ANKRA2: variants seen among roughly 807,000 people sequenced by gnomAD.
The protein encoded by ANKRA2 is ankyrin repeat family A member 2.
In ANKRA2, 33 loss-of-function variants were observed where a neutral mutation model predicts 37.8. That is an observed-to-expected ratio of 0.87 (90% CI 0.66 to 1.17). ANKRA2 has a LOEUF of 1.17. Among genes scored for constraint, ANKRA2 ranks in the 50% most tolerant of loss-of-function variants. The pLI, the probability that ANKRA2 is intolerant of heterozygous loss-of-function variation, is 0.00. For missense variants in ANKRA2, 326 were observed against 373.7 expected (o/e 0.87, Z 1.05); for synonymous variants, 126 against 132.3 (o/e 0.95, Z 0.33).
At position 73,552,624 on chromosome 5, in the gene ANKRA2, A is replaced by G. The variant is rs1747283454; in HGVS notation, c.*173T>C. 2 of 555,968 alleles carry G rather than the reference A, an allele frequency of 3.6e-6. No individual in the cohort carries two copies. The highest frequency in any genetic ancestry group is 5.2e-5 in the South Asian group (2 of 38,164). The allele number at this position is 555,968 out of a possible 1,614,324, so 34.4% of individuals were successfully genotyped here. A position where few individuals can be genotyped will look rare whatever the true frequency, so the allele number is the denominator to read the frequency against. ...AAATATACAGTAAAACATAGTTATA[A>G]AAAGAGTATTACATTTATTATAAAC... On this transcript the variant is annotated 3_prime_UTR_variant, in exon 9 of 9. Coordinates refer to ENST00000296785, the MANE Select transcript of ANKRA2 (RefSeq NM_023039.5).
chr5:73,561,282 C>A lies in ANKRA2; in HGVS notation c.296G>T (p.Cys99Phe), dbSNP rs140857278. The part of the protein sequence containing the change: ...EVASVLFKAE[C>F]NIHTSPSPGI... The stretch of plus-strand genomic sequence containing the variant: ...CGGAGAAGGAGATGTATGGATATTG[C>A]ATTCAGCTAAGTGAAAAACAAATGT... Residue 99 changes from cysteine (C) to phenylalanine (F), a missense_variant, in exon 3 of 9, where the codon TGC becomes TTC. Around this residue, in one of 3 missense-constraint regions of ANKRA2, gnomAD observed 228 missense variants for 260.2 expected, o/e 0.88. Transcript: ENST00000296785. 1 of 1,612,248 alleles carries A rather than the reference C, an allele frequency of 6.2e-7. No homozygotes were observed. Among genetic ancestry groups the A allele is most frequent in the African/African-American group, 1.3e-5 (1 of 74,934 alleles).
intron 1 of ANKRA2, among the ~76,000 whole-genome samples, chr5:73,564,420 C>G (rs887841013): frequency 1.3e-5 from 2 of 152,174 alleles, no homozygotes; most frequent in Non-Finnish European, 2.9e-5. Context: ...TTGAAAACTC[C>G]CCTAGGATGG....
At chr5:73,553,559 C>A (rs2112005082) in intron 7 of ANKRA2, 73 bp from the exon 8 acceptor site, 1 of 1,262,516 alleles carries the variant, frequency 7.9e-7, no homozygotes, top group Non-Finnish European at 1.1e-6. Context: ...GGCTCATGTA[C>A]AAATAGCTGG....
chr5:73,556,999 T>C (rs907899130), intron 4 of ANKRA2, among the ~76,000 whole-genome samples: 1 of 148,944 alleles, frequency 6.7e-6, no homozygotes, highest in Admixed American at 6.7e-5. Flanking sequence ...AATACATATA[T>C]ATATATATAC....
rs1171635288 is a variant in ANKRA2, at chr5:73,554,377, T to C, written c.750A>G (p.Thr250=). 1.9e-6 allele frequency: 3 copies of C among 1,612,920 alleles called. No homozygotes were observed. Among genetic ancestry groups the C allele is most frequent in the Admixed American group, 3.3e-5 (2 of 59,888 alleles). The change falls in exon 7 of 9, where the codon ACA becomes ACG. Residue 250 remains threonine, a synonymous_variant. Transcript: ENST00000296785. ...DVNEYDWNGG[T]PLLYAVHGNH... ...TTCCATGTACAGCATAAAGCAGAGG[T>C]GTTCCTCCATTCTGCAAAATGAAAA...
Position 73,562,713 on chromosome 5 carries a change from G to A in ANKRA2, c.169C>T (p.Pro57Ser), listed in dbSNP as rs761406141. 1 of 1,614,116 alleles carries A rather than the reference G, an allele frequency of 6.2e-7. No individual in the cohort carries two copies. Among genetic ancestry groups the A allele is most frequent in the Admixed American group, 1.7e-5 (1 of 60,014 alleles). The change falls in exon 2 of 9, where the codon CCT becomes TCT. Residue 57 changes from proline (P) to serine (S), a missense_variant. Pro to Ser is a moderately conservative substitution (Grantham distance 74). Around this residue, in one of 3 missense-constraint regions of ANKRA2, gnomAD observed 93 missense variants for 91.1 expected, o/e 1.02. Transcript: ENST00000296785. Reference sequence around the variant, plus strand: ...CACACATTCATATCAAATCGGTTAGGCAATATGAATTTCATTCCCATGGCA... The same window carrying A: ...CACACATTCATATCAAATCGGTTAGACAATATGAATTTCATTCCCATGGCA... ...GVAMGMKFIL[P>S]NRFDMNVCSR...
intron 3 of ANKRA2, among the ~76,000 whole-genome samples, chr5:73,560,798 T>A (rs1747530155): frequency 6.6e-6 from 1 of 152,212 alleles, no homozygotes; most frequent in Non-Finnish European, 1.5e-5. Context: ...CTTTTCAGCA[T>A]CTACTCCCCT....
At chr5:73,564,807 G>C (rs1189195464) in intron 1 of ANKRA2, among the ~76,000 whole-genome samples, 2 of 152,132 alleles carry the variant, frequency 1.3e-5, no homozygotes, top group East Asian at 3.9e-4. Flanking sequence ...CGCTTATCTT[G>C]GCACAGCAGT....
intron 3 of ANKRA2, 139 bp from the exon 4 acceptor site, chr5:73,557,779 T>C (rs1032799971): frequency 2.7e-5 from 16 of 582,868 alleles, no homozygotes; most frequent in South Asian, 1.9e-4. Context: ...TAACTTAAAA[T>C]GTATCCTAAA....
chr5:73,555,144 G>A, intron 5 of ANKRA2, 158 bp from the exon 6 acceptor site: 2 of 1,426,770 alleles, frequency 1.4e-6, no homozygotes, highest in Non-Finnish European at 1.8e-6. Flanking sequence ...CTTTTATTGA[G>A]ATTGCCTGGA....
intron 3 of ANKRA2, among the ~76,000 whole-genome samples, chr5:73,557,902 C>G (rs540160191): frequency 1.3e-5 from 2 of 151,880 alleles, no homozygotes; most frequent in South Asian, 4.2e-4. Context: ...CGTGGCAAAA[C>G]CCTGTCTCTA....
chr5:73,561,090 A>G, intron 3 of ANKRA2, 40 bp downstream of exon 3: 1 of 1,538,856 alleles, frequency 6.5e-7, no homozygotes, highest in Non-Finnish European at 8.8e-7. Flanking sequence ...TGAAAGTATT[A>G]CATTAAGAAT....
chr5:73,554,789 C>T, intron 6 of ANKRA2, 72 bp downstream of exon 6: 1 of 1,508,354 alleles, frequency 6.6e-7, no homozygotes, highest in Non-Finnish European at 9.0e-7. Flanking sequence ...ATAAAACTTA[C>T]TGCATCTCTC....
chr5:73,564,788 GA>G (rs1208213016), intron 1 of ANKRA2, among the ~76,000 whole-genome samples: 1 of 152,126 alleles, frequency 6.6e-6, no homozygotes, highest in African/African-American at 2.4e-5. Context: ...GGGGTGGGTG[GA>G]AAATGAACGC....
chr5:73,563,581 A>G, intron 1 of ANKRA2, among the ~76,000 whole-genome samples: 1 of 152,234 alleles, frequency 6.6e-6, no homozygotes, highest in East Asian at 1.9e-4. Context: ...CTGAAGGTAC[A>G]TTTATGAATT....
chr5:73,555,455 A>G (rs1747372618), intron 5 of ANKRA2, 33 bp downstream of exon 5: 6 of 1,610,498 alleles, frequency 3.7e-6, no homozygotes, highest in Non-Finnish European at 5.1e-6. Context: ...TTAAGTAACT[A>G]TACATATACA....
At chr5:73,555,671 G>T (rs1235960326) in intron 4 of ANKRA2, 86 bp from the exon 5 acceptor site, 2 of 1,157,764 alleles carry the variant, frequency 1.7e-6, no homozygotes, top group African/African-American at 1.5e-5. Context: ...CCAAAGAGCT[G>T]ATTATAATAC....
intron 7 of ANKRA2, 55 bp downstream of exon 7, chr5:73,554,267 C>T (rs1174616567): frequency 1.2e-5 from 18 of 1,479,162 alleles, no homozygotes; most frequent in Admixed American, 1.7e-5. Flanking sequence ...GAGGCCAGGT[C>T]GAAAAAATAA....
At chr5:73,555,891 G>A (rs1367519478) in intron 4 of ANKRA2, among the ~76,000 whole-genome samples, 2 of 152,214 alleles carry the variant, frequency 1.3e-5, no homozygotes, top group Non-Finnish European at 2.9e-5. Context: ...GGAGACCACA[G>A]TTTGAATCCT....
Sources: allele counts gnomAD v4.1 joint callset (sites outside exome capture counted in the v4.1 genomes callset), GRCh38; gene constraint gnomAD v4.1.1; regional missense constraint gnomAD v4.1.1; transcripts MANE v1.5; gene names NCBI Gene and HGNC (gene_info 2026-07-23, HGNC 2026-07-21).